FTO: variants seen among roughly 807,000 people sequenced by gnomAD.
FTO encodes the protein alpha-ketoglutarate-dependent dioxygenase FTO.
A neutral mutation model predicts 63.9 loss-of-function variants in FTO; 47 were observed. The observed-to-expected ratio is 0.74, with a 90% CI of 0.58 to 0.94. The LOEUF (loss-of-function observed/expected upper bound fraction) is 0.94, where lower values mean the gene tolerates loss of function less well. Among genes scored for constraint, FTO ranks in the 40% least tolerant of loss-of-function variants. The pLI is 0.00. For synonymous variants in FTO, 207 were observed against 224.4 expected, an observed-to-expected ratio of 0.92 and a Z score of 0.69; for missense variants, 562 against 618.1, an observed-to-expected ratio of 0.91 and a Z score of 0.96.
chr16:53,858,777 C>T (rs2080083992), intron 4 of FTO, among the ~76,000 whole-genome samples: 1 of 152,108 alleles, frequency 6.6e-6, no homozygotes, highest in African/African-American at 2.4e-5. Context: ...TCTCCTGCCT[C>T]AATCTCCTGA....
chr16:54,082,784 G>A (rs2086179588), intron 8 of FTO, among the ~76,000 whole-genome samples: 1 of 152,062 alleles, frequency 6.6e-6, no homozygotes, highest in African/African-American at 2.4e-5. Flanking sequence ...GACTCCTTTT[G>A]GTTGCAACTG....
intron 7 of FTO, among the ~76,000 whole-genome samples, chr16:53,896,103 G>A (rs2081273117): frequency 6.6e-6 from 1 of 152,172 alleles, no homozygotes; most frequent in Non-Finnish European, 1.5e-5. Flanking sequence ...AATTCAAATT[G>A]ATGTAAAGGT....
chr16:53,862,311 C>T (rs950093924), intron 4 of FTO, among the ~76,000 whole-genome samples: 3 of 152,036 alleles, frequency 2.0e-5, no homozygotes, highest in African/African-American at 7.2e-5. Flanking sequence ...TCTGTGACCT[C>T]TGATATTTGA....
chr16:53,857,692 G>C (rs1182236357), intron 4 of FTO, among the ~76,000 whole-genome samples: 1 of 152,142 alleles, frequency 6.6e-6, no homozygotes, highest in Non-Finnish European at 1.5e-5. Context: ...TCTTGACACT[G>C]TGCTGCTCAG....
At chr16:53,881,648 G>A (rs2080839601) in intron 6 of FTO, among the ~76,000 whole-genome samples, 1 of 152,180 alleles carries the variant, frequency 6.6e-6, no homozygotes, top group South Asian at 2.1e-4. Context: ...CAGCAGGTCT[G>A]GATCCCATGG....
At chr16:54,037,177 G>A (rs983500180) in intron 8 of FTO, among the ~76,000 whole-genome samples, 16 of 152,106 alleles carry the variant, frequency 1.1e-4, no homozygotes, top group Non-Finnish European at 2.1e-4. Flanking sequence ...CCCACTTCTG[G>A]AACTAACAGC....
chr16:53,866,220 CA>C (rs2080310149), intron 4 of FTO, among the ~76,000 whole-genome samples: 1 of 152,010 alleles, frequency 6.6e-6, no homozygotes, highest in Admixed American at 6.5e-5. Flanking sequence ...TATGTTGAAT[CA>C]GTTTTTTATA....
intron 1 of FTO, among the ~76,000 whole-genome samples, chr16:53,794,630 G>A (rs1254810514): frequency 6.6e-6 from 1 of 152,202 alleles, no homozygotes; most frequent in Non-Finnish European, 1.5e-5. Context: ...ATATGGAGCT[G>A]TGGGTCTTGA....
rs987190711 is a variant in FTO, at chr16:54,010,723, G to A, written c.1364+76614G>A. On this transcript the variant is annotated intron_variant, in intron 8 of 8. Transcript: ENST00000471389. ...CTTAATTCCTAGGTGTGTTTGGTACGGAAACAAAGATAACCCTGTTCAACA... is the reference window on the plus strand; with the variant it reads ...CTTAATTCCTAGGTGTGTTTGGTACAGAAACAAAGATAACCCTGTTCAACA... Among the ~76,000 whole-genome samples, 17 of 152,120 alleles carry A rather than the reference G, an allele frequency of 1.1e-4. 1 individual carries two copies. The highest frequency in any genetic ancestry group is 2.2e-4 in the African/African-American group (9 of 41,438).
At chr16:53,976,285 C>T (rs2083437030) in intron 8 of FTO, among the ~76,000 whole-genome samples, 1 of 152,124 alleles carries the variant, frequency 6.6e-6, no homozygotes, top group Non-Finnish European at 1.5e-5. Flanking sequence ...ATTTAATCCA[C>T]CTGAACTTTA....
chr16:53,887,607 T>G (rs2081034679), intron 6 of FTO, among the ~76,000 whole-genome samples: 1 of 152,238 alleles, frequency 6.6e-6, no homozygotes, highest in Non-Finnish European at 1.5e-5. Flanking sequence ...TATTCAAGGC[T>G]TTTTGAGCAT....
At chr16:54,060,024 A>G (rs2085533641) in intron 8 of FTO, among the ~76,000 whole-genome samples, 1 of 152,130 alleles carries the variant, frequency 6.6e-6, no homozygotes, top group African/African-American at 2.4e-5. Flanking sequence ...CTTTTATTCA[A>G]AGGCTCCAAA....
At chr16:54,002,026 G>T (rs2084080456) in intron 8 of FTO, among the ~76,000 whole-genome samples, 1 of 152,196 alleles carries the variant, frequency 6.6e-6, no homozygotes, top group African/African-American at 2.4e-5. Context: ...CTACTTGAAT[G>T]CATGCTTTTA....
At chr16:53,846,218 T>G (rs145956007) in intron 4 of FTO, among the ~76,000 whole-genome samples, 5 of 152,264 alleles carry the variant, frequency 3.3e-5, no homozygotes, top group African/African-American at 9.6e-5. Flanking sequence ...ATGTTTTCAG[T>G]GTTAAGGTTC....
intron 1 of FTO, among the ~76,000 whole-genome samples, chr16:53,721,805 G>A (rs1034816976): frequency 1.3e-5 from 2 of 152,118 alleles, no homozygotes; most frequent in African/African-American, 4.8e-5. Context: ...CATTATGACA[G>A]TGCAATGTGC....
intron 8 of FTO, chr16:53,981,570 T>A (rs1350812182): frequency 1.3e-5 from 2 of 152,186 alleles, no homozygotes; most frequent in Non-Finnish European, 2.9e-5. Flanking sequence ...GTCAGGAGTT[T>A]GAGACTAGCC....
chr16:53,960,308 G>T (rs949549465), intron 8 of FTO, among the ~76,000 whole-genome samples: 1 of 152,168 alleles, frequency 6.6e-6, no homozygotes, highest in Non-Finnish European at 1.5e-5. Context: ...GATCATGTGT[G>T]CCCAGCTGTG....
chr16:53,892,480 A>G (rs990910217), intron 7 of FTO, among the ~76,000 whole-genome samples: 1 of 152,192 alleles, frequency 6.6e-6, no homozygotes, highest in African/African-American at 2.4e-5. Flanking sequence ...ATTCTATAGC[A>G]TTAGACTAAT....
intron 2 of FTO, chr16:53,814,806 A>C (rs1294083391): frequency 6.6e-6 from 1 of 152,004 alleles, no homozygotes; most frequent in Non-Finnish European, 1.5e-5. Flanking sequence ...TAAGTTACTT[A>C]CTCCATTAAA....
Sources: gnomAD v4.1 joint callset for allele counts (sites outside exome capture counted in the v4.1 genomes callset) on GRCh38, gnomAD v4.1.1 for gene constraint, MANE v1.5 for transcripts, NCBI Gene and HGNC (gene_info 2026-07-23, HGNC 2026-07-21) for gene names.